Variants in KLF12 observed in about 807,000 individuals in gnomAD.
KLF12 encodes the protein Krueppel-like factor 12.
In KLF12, 9 loss-of-function variants were observed where a neutral mutation model predicts 37.8. The observed-to-expected ratio is 0.24, with a 90% CI of 0.14 to 0.42. The LOEUF is 0.42. Ranked by LOEUF, KLF12 falls within the 10% of genes least tolerant of loss-of-function variation. The pLI, the probability that KLF12 is intolerant of heterozygous loss-of-function variation, is 1.00. For synonymous variants in KLF12, 208 were observed against 202.1 expected (o/e 1.03, Z -0.25); for missense variants, 411 against 516.0 (o/e 0.80, Z 1.97).
the KLF12 span, among the ~76,000 whole-genome samples, chr13:74,187,875 CA>C: frequency 1.4e-3 from 209 of 152,244 alleles, no homozygotes; most frequent in African/African-American, 4.6e-3. Flanking sequence ...AGGCCAGCCC[CA>C]AGGTGCTAAG....
At chr13:74,015,883 C>T (rs888326015) in intron 1 of KLF12, among the ~76,000 whole-genome samples, 1 of 152,090 alleles carries the variant, frequency 6.6e-6, no homozygotes, top group African/African-American at 2.4e-5. Context: ...TTGTATTTGC[C>T]TTAATACACC....
chr13:74,130,968 C>T (rs1878229075), intron 1 of KLF12, among the ~76,000 whole-genome samples: 1 of 152,070 alleles, frequency 6.6e-6, no homozygotes, highest in South Asian at 2.1e-4. Flanking sequence ...CCATGTTGTA[C>T]AATGGAAAAA....
intron 1 of KLF12, among the ~76,000 whole-genome samples, chr13:74,063,654 T>C (rs1156426974): frequency 6.6e-6 from 1 of 152,200 alleles, no homozygotes; most frequent in Non-Finnish European, 1.5e-5. Flanking sequence ...TTAAAGGCAA[T>C]GTCCTGTAAT....
At chr13:74,221,059 C>T in the KLF12 span, among the ~76,000 whole-genome samples, 1 of 149,696 alleles carries the variant, frequency 6.7e-6, no homozygotes, top group African/African-American at 2.5e-5. Context: ...GGCTGGAGTG[C>T]AGTGGTGCTA....
chr13:73,844,092 A>T (rs1185517388), intron 4 of KLF12, among the ~76,000 whole-genome samples: 1 of 152,122 alleles, frequency 6.6e-6, no homozygotes, highest in Non-Finnish European at 1.5e-5. Context: ...CAACATTAAT[A>T]TCTTTATTAA....
intron 1 of KLF12, among the ~76,000 whole-genome samples, chr13:74,122,904 G>A (rs1307135828): frequency 1.4e-5 from 2 of 146,786 alleles, no homozygotes; most frequent in African/African-American, 5.1e-5. Flanking sequence ...ATGGACTAAT[G>A]GAATGCTAGT....
intron 5 of KLF12, among the ~76,000 whole-genome samples, chr13:73,777,571 G>A (rs920564606): frequency 6.6e-6 from 1 of 152,018 alleles, no homozygotes; most frequent in African/African-American, 2.4e-5. Flanking sequence ...AGCCGGGCGC[G>A]GTGGCACATG....
intron 3 of KLF12, among the ~76,000 whole-genome samples, chr13:73,863,693 T>C (rs1188555113): frequency 6.6e-6 from 1 of 152,164 alleles, no homozygotes; most frequent in Non-Finnish European, 1.5e-5. Context: ...AATATTAGAA[T>C]ATGTTCATCT....
At chr13:73,723,434 A>C (rs1013632046) in intron 6 of KLF12, among the ~76,000 whole-genome samples, 11 of 152,190 alleles carry the variant, frequency 7.2e-5, no homozygotes, top group Middle Eastern at 3.2e-3. Context: ...GAATTTCTTC[A>C]GAAAATACCG....
chr13:73,899,525 A>G (rs73539903), intron 3 of KLF12, among the ~76,000 whole-genome samples: 2,216 of 152,310 alleles, frequency 0.015, 46 homozygotes, highest in African/African-American at 0.049. Flanking sequence ...GGCTTAAGGA[A>G]TATGCAGACA....
At chr13:73,761,429 C>CA (rs1213035438) in intron 6 of KLF12, among the ~76,000 whole-genome samples, 1 of 152,174 alleles carries the variant, frequency 6.6e-6, no homozygotes, top group East Asian at 1.9e-4. Flanking sequence ...TCACTGGAGA[C>CA]AACTCTCCTG....
chr13:74,186,205 G>A, the KLF12 span, among the ~76,000 whole-genome samples: 1 of 151,760 alleles, frequency 6.6e-6, no homozygotes, highest in Admixed American at 6.6e-5. Flanking sequence ...TTTTTTCTTA[G>A]GAGATATGTA....
At chr13:73,731,182 C>T (rs1330522080) in intron 6 of KLF12, among the ~76,000 whole-genome samples, 4 of 151,838 alleles carry the variant, frequency 2.6e-5, no homozygotes, top group African/African-American at 9.7e-5. Flanking sequence ...GGGATAAGGG[C>T]GAGAGAGGAG....
At chr13:73,904,816 C>T (rs1241960420) in intron 3 of KLF12, among the ~76,000 whole-genome samples, 1 of 152,076 alleles carries the variant, frequency 6.6e-6, no homozygotes. Context: ...CAAATGACAG[C>T]ACTGGGAGCC....
chr13:73,888,689 T>C (rs60562287), intron 3 of KLF12, among the ~76,000 whole-genome samples: 2,737 of 152,288 alleles, frequency 0.018, 99 homozygotes, highest in Admixed American at 0.088. Context: ...ACAACAATTT[T>C]ACAGAAAATA....
At chr13:74,136,808 TG>T (rs1878570476), upstream of KLF12, among the ~76,000 whole-genome samples, 1 of 150,136 alleles carries the variant, frequency 6.7e-6, no homozygotes, top group Non-Finnish European at 1.5e-5. Context: ...CATCAAGCAT[TG>T]GGGGGAAAAG....
chr13:73,746,751 G>A (rs746498959), intron 6 of KLF12, among the ~76,000 whole-genome samples: 1 of 150,930 alleles, frequency 6.6e-6, no homozygotes, highest in Non-Finnish European at 1.5e-5. Flanking sequence ...ATTTAATTAT[G>A]GAGTTGAAAC....
At chr13:73,715,554 G>T in intron 6 of KLF12, 29 bp from the exon 7 acceptor site, 1 of 1,609,008 alleles carries the variant, frequency 6.2e-7, no homozygotes, top group Non-Finnish European at 8.5e-7. Context: ...GAGTTACACG[G>T]TGAGATGCAC....
intron 2 of KLF12, among the ~76,000 whole-genome samples, chr13:73,961,604 AG>A (rs936825938): frequency 6.6e-6 from 1 of 152,180 alleles, no homozygotes; most frequent in Non-Finnish European, 1.5e-5. Flanking sequence ...ACCAAGTCAC[AG>A]GGGGCTCCTG....
Sources: allele counts gnomAD v4.1 joint callset (sites outside exome capture counted in the v4.1 genomes callset), GRCh38; gene constraint gnomAD v4.1.1; transcripts MANE v1.5; gene names NCBI Gene and HGNC (gene_info 2026-07-23, HGNC 2026-07-21).